The following UNC93A variants were observed in gnomAD, a reference collection of about 807,000 sequenced individuals.
UNC93A encodes unc-93 homolog A.
Under a neutral mutation model 47.5 loss-of-function variants are expected in UNC93A, and 43 were observed. The ratio of observed to expected loss-of-function variants is 0.91; its 90% CI spans 0.71 to 1.17. The LOEUF (loss-of-function observed/expected upper bound fraction) is 1.17, where lower values mean the gene tolerates loss of function less well. UNC93A is among the 50% of genes most tolerant of loss of function. The pLI, the probability that UNC93A is intolerant of heterozygous loss-of-function variation, is 0.00. For synonymous variants in UNC93A, 280 were observed against 258.0 expected, an observed-to-expected ratio of 1.09 and a Z score of -0.82; for missense variants, 605 against 577.6, an observed-to-expected ratio of 1.05 and a Z score of -0.49.
rs776117600 is a variant in UNC93A at position 167,298,096 on chromosome 6, G to C, written c.625+26G>C. On this transcript the variant is annotated intron_variant, in intron 4 of 7. Transcript: ENST00000230256. The stretch of plus-strand genomic sequence containing the variant: ...GTACGAGCTCCATCGGCCCAGGGCA[G>C]GGTCCCTAGCAAAGCAGAGCCAAGC... 1.1e-5 allele frequency: 17 copies of C among 1,608,920 alleles called. No homozygotes were observed. The East Asian group carries it at 3.8e-4, about 36-fold the overall frequency.
chr6:167,289,077 G>A (rs1020368366), upstream of UNC93A, among the ~76,000 whole-genome samples: 1 of 152,278 alleles, frequency 6.6e-6, no homozygotes, highest in African/African-American at 2.4e-5. Flanking sequence ...TCAGCCCTGG[G>A]CCAGGCCATG....
chr6:167,270,248 C>T (rs187704252), upstream of UNC93A, among the ~76,000 whole-genome samples: 21 of 152,310 alleles, frequency 1.4e-4, no homozygotes, highest in African/African-American at 2.6e-4. Flanking sequence ...AATGATGGCA[C>T]ATACCTGTTA....
chr6:167,301,891 G>A (rs1466450609), intron 4 of UNC93A, among the ~76,000 whole-genome samples: 2 of 152,204 alleles, frequency 1.3e-5, no homozygotes, highest in Non-Finnish European at 2.9e-5. Context: ...ATGGCCTCCT[G>A]TGCAGGCGTG....
intron 4 of UNC93A, among the ~76,000 whole-genome samples, chr6:167,301,044 C>G (rs76921372): frequency 0.015 from 2,354 of 152,344 alleles, 29 homozygotes; most frequent in East Asian, 0.067. Flanking sequence ...AATGAGCATG[C>G]CTGCATGCCA....
At chr6:167,286,232 G>A (rs141366494) in intron 1 of UNC93A, among the ~76,000 whole-genome samples, 2 of 152,166 alleles carry the variant, frequency 1.3e-5, no homozygotes, top group South Asian at 4.1e-4. Flanking sequence ...CAGTCTGTCT[G>A]TCTATAGCTT....
intron 1 of UNC93A, among the ~76,000 whole-genome samples, 190 bp downstream of exon 1, chr6:167,291,766 G>A (rs1359706249): frequency 6.6e-6 from 1 of 152,170 alleles, no homozygotes. Flanking sequence ...TCCCACTCAC[G>A]TCTCAATAGG....
At chr6:167,283,597 G>T (rs900230632) in intron 1 of UNC93A, among the ~76,000 whole-genome samples, 3 of 152,076 alleles carry the variant, frequency 2.0e-5, no homozygotes, top group African/African-American at 7.2e-5. Flanking sequence ...TGATTTCTGC[G>T]CTTGTCCTAC....
At chr6:167,288,366 C>G (rs996069225), upstream of UNC93A, among the ~76,000 whole-genome samples, 3 of 152,004 alleles carry the variant, frequency 2.0e-5, no homozygotes, top group Non-Finnish European at 4.4e-5. Context: ...CAGCCCCCGC[C>G]AAGATTTAAG....
At chr6:167,283,334 CT>C (rs2115089036) in intron 1 of UNC93A, among the ~76,000 whole-genome samples, 1 of 152,262 alleles carries the variant, frequency 6.6e-6, no homozygotes, top group African/African-American at 2.4e-5. Flanking sequence ...CTTAAGATCT[CT>C]GTTTTCATGT....
chr6:167,284,169 T>C (rs1168880214), intron 1 of UNC93A, among the ~76,000 whole-genome samples: 1 of 151,894 alleles, frequency 6.6e-6, no homozygotes, highest in African/African-American at 2.4e-5. Flanking sequence ...TTCAAAACAC[T>C]AGGGATGGGG....
chr6:167,289,166 A>G (rs1392755908), upstream of UNC93A, among the ~76,000 whole-genome samples: 6 of 152,222 alleles, frequency 3.9e-5, no homozygotes, highest in African/African-American at 1.2e-4. Context: ...TAGAGGTTGC[A>G]CTCTCTTCCC....
chr6:167,309,754 C>T (rs140610782), intron 7 of UNC93A, among the ~76,000 whole-genome samples: 1,943 of 152,270 alleles, frequency 0.013, 34 homozygotes, highest in African/African-American at 0.044. Flanking sequence ...TGCGTATCCA[C>T]AGGACAGCTG....
intron 3 of UNC93A, 77 bp downstream of exon 3, chr6:167,296,338 C>A: frequency 1.4e-6 from 2 of 1,443,686 alleles, no homozygotes; most frequent in Non-Finnish European, 1.9e-6. Context: ...TTCCTGATTT[C>A]AGTTGCACAC....
intron 3 of UNC93A, among the ~76,000 whole-genome samples, 185 bp downstream of exon 3, chr6:167,296,446 T>C (rs1445143707): frequency 2.0e-5 from 3 of 152,216 alleles, no homozygotes; most frequent in South Asian, 2.1e-4. Flanking sequence ...TGCTGTCTTC[T>C]GGACAGTCGG....
chr6:167,286,902 C>A (rs113167778), upstream of UNC93A, among the ~76,000 whole-genome samples: 3 of 147,176 alleles, frequency 2.0e-5, no homozygotes, highest in African/African-American at 5.0e-5. Context: ...TGCTTGAACC[C>A]GGGAGGCGGA....
chr6:167,292,367 A>G (rs574210845), intron 1 of UNC93A, among the ~76,000 whole-genome samples: 6 of 152,204 alleles, frequency 3.9e-5, no homozygotes, highest in Non-Finnish European at 8.8e-5. Flanking sequence ...TGGTTCGTCA[A>G]TGAAGAATAA....
chr6:167,308,599 C>T (rs977210279), intron 7 of UNC93A, among the ~76,000 whole-genome samples: 11 of 151,900 alleles, frequency 7.2e-5, no homozygotes, highest in African/African-American at 2.7e-4. Flanking sequence ...GGCAGGGATG[C>T]TCCAAGGCCT....
chr6:167,281,276 AG>A (rs1479235006), intron 1 of UNC93A, among the ~76,000 whole-genome samples: 1 of 151,970 alleles, frequency 6.6e-6, no homozygotes, highest in African/African-American at 2.4e-5. Context: ...GAGCCCCAGG[AG>A]GAGGATGCCC....
rs547329000 is a variant in UNC93A, at chr6:167,310,860, G to A, written c.1108+2950G>A. 3.3e-5 allele frequency among the ~76,000 whole-genome samples: 5 copies of A among 152,286 alleles called. No homozygotes were observed. In the East Asian group the frequency reaches 9.6e-4, roughly 29 times the overall value. On this transcript the variant is annotated intron_variant, in intron 7 of 7. Transcript: ENST00000230256. ...CACGTCATTGCACTGCAGCCTGGGCGACAGAGCAAGACTCTGTCTCACAAA... is the reference window on the plus strand; with the variant it reads ...CACGTCATTGCACTGCAGCCTGGGCAACAGAGCAAGACTCTGTCTCACAAA...
Sources: gnomAD v4.1 joint callset for allele counts (sites outside exome capture counted in the v4.1 genomes callset) on GRCh38, gnomAD v4.1.1 for gene constraint, MANE v1.5 for transcripts, NCBI Gene and HGNC (gene_info 2026-07-23, HGNC 2026-07-21) for gene names.